Variants in ABTB2 observed in about 807,000 individuals in gnomAD.
ABTB2 encodes ankyrin repeat and BTB/POZ domain-containing protein 2.
In ABTB2, 56 loss-of-function variants were observed where a neutral mutation model predicts 104.1. The ratio of observed to expected loss-of-function variants is 0.54; its 90% CI spans 0.43 to 0.67. The LOEUF (loss-of-function observed/expected upper bound fraction) is 0.67. ABTB2 is among the 30% of genes least tolerant of loss of function. The pLI, the probability that ABTB2 is intolerant of heterozygous loss-of-function variation, is 0.00. For synonymous variants in ABTB2, 606 were observed against 608.2 expected (o/e 1.00, Z 0.05); for missense variants, 1,279 against 1,407.7 (o/e 0.91, Z 1.46).
chr11:34,263,961 C>T (rs1003116348), intron 1 of ABTB2, among the ~76,000 whole-genome samples: 5 of 152,170 alleles, frequency 3.3e-5, no homozygotes, highest in African/African-American at 1.2e-4. Context: ...CAGGCCCAGA[C>T]GGTTCTCCTT....
At chr11:34,319,127 C>T (rs116537903) in intron 1 of ABTB2, among the ~76,000 whole-genome samples, 189 of 152,298 alleles carry the variant, frequency 1.2e-3, no homozygotes, top group African/African-American at 4.3e-3. Context: ...GGAGTAGACA[C>T]CACCTCAGAC....
At chr11:34,316,668 A>G (rs1400550751) in intron 1 of ABTB2, among the ~76,000 whole-genome samples, 1 of 152,188 alleles carries the variant, frequency 6.6e-6, no homozygotes, top group Non-Finnish European at 1.5e-5. Context: ...AAGATAATCC[A>G]TGAGCCCCAG....
At chr11:34,173,563 T>C (rs1413697479) in intron 3 of ABTB2, among the ~76,000 whole-genome samples, 1 of 152,134 alleles carries the variant, frequency 6.6e-6, no homozygotes, top group Admixed American at 6.5e-5. Flanking sequence ...GGACCTGCTC[T>C]TTCTGCTCAC....
chr11:34,172,913 T>C (rs1852903851), intron 4 of ABTB2, among the ~76,000 whole-genome samples: 1 of 152,168 alleles, frequency 6.6e-6, no homozygotes, highest in African/African-American at 2.4e-5. Flanking sequence ...CCAATGTGTG[T>C]CTCCTCTGTG....
intron 14 of ABTB2, among the ~76,000 whole-genome samples, chr11:34,155,604 C>T (rs556510429): frequency 3.3e-5 from 5 of 152,384 alleles, no homozygotes; most frequent in African/African-American, 9.6e-5. Flanking sequence ...CCGGCACAGT[C>T]GGGCTCTGTC....
intron 1 of ABTB2, among the ~76,000 whole-genome samples, chr11:34,296,781 G>T (rs1327895104): frequency 3.9e-5 from 6 of 152,160 alleles, no homozygotes; most frequent in African/African-American, 1.4e-4. Flanking sequence ...ACAGAGAAAT[G>T]GTCTGGAAAT....
chr11:34,229,360 A>G (rs1340618115), intron 1 of ABTB2, among the ~76,000 whole-genome samples: 11 of 151,376 alleles, frequency 7.3e-5, no homozygotes, highest in Non-Finnish European at 1.5e-4. Context: ...GGGCGCCTGT[A>G]GTCCCAGCTA....
At chr11:34,239,934 C>G (rs945858906) in intron 1 of ABTB2, among the ~76,000 whole-genome samples, 2 of 152,182 alleles carry the variant, frequency 1.3e-5, no homozygotes, top group Admixed American at 1.3e-4. Context: ...AGAGGCATTT[C>G]CCCCCTAAAT....
chr11:34,296,196 T>C (rs1013962073), intron 1 of ABTB2, among the ~76,000 whole-genome samples: 16 of 152,258 alleles, frequency 1.1e-4, no homozygotes, highest in Non-Finnish European at 1.9e-4. Flanking sequence ...TTCAACCACA[T>C]TGAGCTCCCT....
At position 34,161,992 on chromosome 11, in the gene ABTB2, G is replaced by A. The variant is rs73505475; in HGVS notation, c.2218+584C>T. 5.1e-4 allele frequency among the ~76,000 whole-genome samples: 77 copies of A among 152,282 alleles called. 1 individual carries two copies. Among genetic ancestry groups the A allele is most frequent in the African/African-American group, 1.8e-3 (74 of 41,554 alleles). Reference sequence around the variant, plus strand: ...TGCTGTCATCCACCAAGTGCTCACGGTGGCCACTACGCCTTGTACTTCAGG... The same window carrying A: ...TGCTGTCATCCACCAAGTGCTCACGATGGCCACTACGCCTTGTACTTCAGG... On this transcript the variant is annotated intron_variant, in intron 10 of 16. Coordinates refer to ENST00000435224, the MANE Select transcript of ABTB2 (RefSeq NM_145804.3).
chr11:34,342,664 C>T (rs1439573774), intron 1 of ABTB2, among the ~76,000 whole-genome samples: 1 of 152,098 alleles, frequency 6.6e-6, no homozygotes, highest in East Asian at 1.9e-4. Context: ...AAAGTTTGAC[C>T]CACGGTAGGT....
At chr11:34,188,073 C>T (rs1209620030) in intron 3 of ABTB2, among the ~76,000 whole-genome samples, 3 of 152,128 alleles carry the variant, frequency 2.0e-5, no homozygotes, top group Admixed American at 6.5e-5. Context: ...CTACCTTATT[C>T]GCCCCTCACA....
intron 3 of ABTB2, among the ~76,000 whole-genome samples, chr11:34,174,953 G>A (rs890921071): frequency 5.9e-5 from 9 of 152,370 alleles, no homozygotes; most frequent in Non-Finnish European, 1.2e-4. Context: ...GGCAGCCAGG[G>A]GCAGGCGGCC....
At chr11:34,241,508 T>G (rs1048707186) in intron 1 of ABTB2, among the ~76,000 whole-genome samples, 2 of 152,188 alleles carry the variant, frequency 1.3e-5, no homozygotes, top group African/African-American at 2.4e-5. Context: ...AGGGTATCTC[T>G]CCCAAGAGTC....
intron 1 of ABTB2, among the ~76,000 whole-genome samples, chr11:34,349,421 A>G (rs955722174): frequency 3.3e-5 from 5 of 151,970 alleles, no homozygotes; most frequent in South Asian, 2.1e-4. Flanking sequence ...ACTTCCTCCT[A>G]CCTCCACAAA....
chr11:34,206,049 C>T (rs1026545550), intron 1 of ABTB2, among the ~76,000 whole-genome samples: 1 of 152,098 alleles, frequency 6.6e-6, no homozygotes, highest in Non-Finnish European at 1.5e-5. Context: ...TTTACGTTAT[C>T]TCATTTATTC....
chr11:34,237,853 G>A (rs570197495), intron 1 of ABTB2, among the ~76,000 whole-genome samples: 8 of 152,214 alleles, frequency 5.3e-5, no homozygotes, highest in African/African-American at 1.2e-4. Flanking sequence ...GGCCGAGATC[G>A]CACCATTGCA....
intron 1 of ABTB2, among the ~76,000 whole-genome samples, chr11:34,316,523 A>C (rs1277565490): frequency 6.6e-6 from 1 of 152,168 alleles, no homozygotes; most frequent in South Asian, 2.1e-4. Flanking sequence ...TTGCTACCCC[A>C]AAACCCACAG....
At chr11:34,270,906 T>G (rs1233498385) in intron 1 of ABTB2, among the ~76,000 whole-genome samples, 1 of 152,220 alleles carries the variant, frequency 6.6e-6, no homozygotes, top group Non-Finnish European at 1.5e-5. Context: ...TGTGACGCCT[T>G]TTGCCCTGAG....
Sources: allele counts gnomAD v4.1 joint callset (sites outside exome capture counted in the v4.1 genomes callset), GRCh38; gene constraint gnomAD v4.1.1; transcripts MANE v1.5; gene names NCBI Gene and HGNC (gene_info 2026-07-23, HGNC 2026-07-21).